Variants in TLL1 observed in about 807,000 individuals in gnomAD.
TLL1 encodes the protein tolloid-like protein 1.
Under a neutral mutation model 128.2 loss-of-function variants are expected in TLL1, and 49 were observed. The ratio of observed to expected loss-of-function variants is 0.38; its 90% CI spans 0.30 to 0.48. The LOEUF (loss-of-function observed/expected upper bound fraction) is 0.48, where lower values mean the gene tolerates loss of function less well. Among genes scored for constraint, TLL1 ranks in the 20% least tolerant of loss-of-function variants. The pLI is 0.96. For synonymous variants in TLL1, 454 were observed against 418.8 expected, an observed-to-expected ratio of 1.08 and a Z score of -1.03; for missense variants, 1,123 against 1,242.0, an observed-to-expected ratio of 0.90 and a Z score of 1.44.
chr4:165,996,230 G>T (rs911042471), intron 5 of TLL1, among the ~76,000 whole-genome samples: 2 of 152,124 alleles, frequency 1.3e-5, no homozygotes, highest in Non-Finnish European at 2.9e-5. Flanking sequence ...CAATGATGAG[G>T]ATGGTTAAGT....
chr4:165,992,359 A>G (rs1457394753), intron 2 of TLL1, among the ~76,000 whole-genome samples: 2 of 152,178 alleles, frequency 1.3e-5, no homozygotes, highest in East Asian at 1.9e-4. Flanking sequence ...GGAAGAAAAC[A>G]TGCATTACAC....
chr4:165,942,314 A>G (rs904881809), intron 1 of TLL1, among the ~76,000 whole-genome samples: 10 of 151,432 alleles, frequency 6.6e-5, no homozygotes, highest in Admixed American at 5.9e-4. Flanking sequence ...TCCTCCGCCA[A>G]GACTCAGTTT....
Position 166,091,177 on chromosome 4 carries a change from A to G in TLL1, c.2492A>G (p.His831Arg), listed in dbSNP as rs147825878. 3.3e-5 allele frequency: 53 copies of G among 1,613,064 alleles called. No homozygotes were observed. The highest frequency in any genetic ancestry group is 4.2e-5 in the Non-Finnish European group (50 of 1,179,486). Reference protein sequence around the residue: ...IEQHQECAYDHLEVFDGETEK... With the variant: ...IEQHQECAYDRLEVFDGETEK... ...CAGCATCAAGAATGTGCTTATGACC[A>G]CTTAGAAGTATTTGATGGAGAAACA... The change falls in exon 19 of 21, where the codon CAC becomes CGC. Residue 831 changes from histidine to arginine, a missense_variant. By Grantham distance (29) the His-to-Arg change is conservative. Transcript: ENST00000061240.
At chr4:166,062,463 T>C (rs1740363768) in intron 15 of TLL1, among the ~76,000 whole-genome samples, 1 of 152,198 alleles carries the variant, frequency 6.6e-6, no homozygotes, top group South Asian at 2.1e-4. Context: ...CCAAGGTATT[T>C]AATTCTCTTT....
intron 9 of TLL1, among the ~76,000 whole-genome samples, chr4:166,028,235 A>G (rs1235108863): frequency 6.6e-6 from 1 of 152,072 alleles, no homozygotes; most frequent in Non-Finnish European, 1.5e-5. Context: ...AGCTCAAAAT[A>G]GAGGATTTGT....
chr4:166,091,491 A>G (rs914003661), intron 19 of TLL1, 150 bp downstream of exon 19: 1 of 673,732 alleles, frequency 1.5e-6, no homozygotes, highest in Non-Finnish European at 2.5e-6. Flanking sequence ...TTGCAGAACC[A>G]TACAGCATCC....
chr4:166,021,144 G>A lies in TLL1; in HGVS notation c.1043-4172G>A, dbSNP rs79098508. On this transcript the variant is annotated intron_variant, in intron 8 of 20. Transcript: ENST00000061240. ...AGTTACTTATATTTTGAGAGAATTC[G>A]CCTATATTCTGAATGGAATATATTT... Among the ~76,000 whole-genome samples the A allele has an allele frequency of 9.4e-3, 1,428 of 151,852 alleles. 7 individuals are homozygous for A. The highest frequency in any genetic ancestry group is 0.027 in the East Asian group (138 of 5,166).
chr4:166,010,246 G>T (rs1295829366), intron 7 of TLL1, among the ~76,000 whole-genome samples: 2 of 151,170 alleles, frequency 1.3e-5, no homozygotes, highest in East Asian at 3.9e-4. Context: ...TGTAGCTTCT[G>T]CCTCTTGTGA....
At position 166,065,736 on chromosome 4, in the gene TLL1, A is replaced by G. The variant is rs144512076; in HGVS notation, c.2061A>G (p.Lys687=). 1.2e-5 allele frequency: 19 copies of G among 1,613,166 alleles called. No homozygotes were observed. In the African/African-American group the frequency reaches 1.9e-4, roughly 16 times the overall value. The change falls in exon 16 of 21, where the codon AAA becomes AAG. Residue 687 remains lysine, a synonymous_variant. Coordinates refer to ENST00000061240, the MANE Select transcript of TLL1 (RefSeq NM_012464.5). ...GGAGTGGTCTTTCCTCTGAGTCTAA[A>G]CTGCATGGCAAATTCTGTGGCGCTG... ...EIWSGLSSES[K]LHGKFCGAEV... is the part of the protein sequence containing the mutation.
chr4:165,921,148 G>T (rs895668692), intron 1 of TLL1, among the ~76,000 whole-genome samples: 2 of 152,160 alleles, frequency 1.3e-5, no homozygotes, highest in African/African-American at 4.8e-5. Context: ...CTCCTGGGTT[G>T]TTATGGGGCC....
At chr4:166,067,708 G>GTTT (rs1478394729) in intron 16 of TLL1, among the ~76,000 whole-genome samples, 1 of 151,698 alleles carries the variant, frequency 6.6e-6, no homozygotes, top group African/African-American at 2.4e-5. Context: ...CATGACAATA[G>GTTT]TTTTCAAAGA....
intron 1 of TLL1, among the ~76,000 whole-genome samples, chr4:165,920,293 G>A (rs1732988484): frequency 6.6e-6 from 1 of 152,142 alleles, no homozygotes; most frequent in African/African-American, 2.4e-5. Flanking sequence ...TTATTTGTCA[G>A]GCAGAAATGC....
At chr4:165,876,498 T>G (rs915445949) in intron 1 of TLL1, among the ~76,000 whole-genome samples, 1 of 152,216 alleles carries the variant, frequency 6.6e-6, no homozygotes, top group Admixed American at 6.5e-5. Context: ...TAAAAGGCCC[T>G]TTCTGAGCTC....
chr4:166,053,982 T>A (rs1295958065), intron 12 of TLL1, among the ~76,000 whole-genome samples: 1 of 152,176 alleles, frequency 6.6e-6, no homozygotes, highest in Non-Finnish European at 1.5e-5. Flanking sequence ...AATTTTGTTT[T>A]TTTTTGTTGG....
chr4:165,985,435 C>A (rs1194768876), intron 1 of TLL1, among the ~76,000 whole-genome samples: 2 of 152,002 alleles, frequency 1.3e-5, no homozygotes, highest in South Asian at 2.1e-4. Flanking sequence ...AAAGACTTCA[C>A]CCTTGGCAAA....
chr4:166,005,956 G>GA (rs971672227), intron 6 of TLL1, among the ~76,000 whole-genome samples: 30 of 151,730 alleles, frequency 2.0e-4, no homozygotes, highest in Admixed American at 4.6e-4. Flanking sequence ...ATGGCCAACA[G>GA]AAAAAAATCT....
At chr4:166,007,372 C>A (rs192546117) in intron 6 of TLL1, among the ~76,000 whole-genome samples, 6 of 151,782 alleles carry the variant, frequency 4.0e-5, no homozygotes, top group African/African-American at 9.6e-5. Flanking sequence ...GCCTTTTCAT[C>A]AAGAATAAAC....
intron 9 of TLL1, 50 bp from the exon 10 acceptor site, chr4:166,039,289 T>C: frequency 7.7e-7 from 1 of 1,291,248 alleles, no homozygotes; most frequent in Non-Finnish European, 1.1e-6. Flanking sequence ...AATCACTATA[T>C]GTAGATACAA....
At chr4:165,973,461 G>A (rs1735722629) in intron 1 of TLL1, among the ~76,000 whole-genome samples, 1 of 151,918 alleles carries the variant, frequency 6.6e-6, no homozygotes, top group Non-Finnish European at 1.5e-5. Context: ...AGTAGGCAAG[G>A]TTTTGTAGAT....
Sources: gnomAD v4.1 joint callset for allele counts (sites outside exome capture counted in the v4.1 genomes callset) on GRCh38, gnomAD v4.1.1 for gene constraint, MANE v1.5 for transcripts, NCBI Gene and HGNC (gene_info 2026-07-23, HGNC 2026-07-21) for gene names.